KIAA1549L: variants seen among roughly 807,000 people sequenced by gnomAD.
KIAA1549L encodes UPF0606 protein KIAA1549L.
Under a neutral mutation model 160.7 loss-of-function variants are expected in KIAA1549L, and 88 were observed. The ratio of observed to expected loss-of-function variants is 0.55; its 90% confidence interval spans 0.46 to 0.65. The LOEUF (loss-of-function observed/expected upper bound fraction) is 0.65. Among genes scored for constraint, KIAA1549L ranks in the 30% least tolerant of loss-of-function variants. The probability of loss-of-function intolerance (pLI) is 0.00; values close to 1 mark genes in which losing one functional copy is unlikely to be tolerated. For synonymous variants in KIAA1549L, 950 were observed against 976.7 expected, an observed-to-expected ratio of 0.97 and a Z score of 0.51; for missense variants, 2,258 against 2,437.5, an observed-to-expected ratio of 0.93 and a Z score of 1.55.
intron 1 of KIAA1549L, among the ~76,000 whole-genome samples, chr11:33,486,205 C>T (rs1360247312): frequency 6.6e-6 from 1 of 151,854 alleles, no homozygotes; most frequent in Admixed American, 6.6e-5. Flanking sequence ...TAAATATTGG[C>T]GAGGCTGTGG....
intron 1 of KIAA1549L, among the ~76,000 whole-genome samples, chr11:33,383,751 G>A (rs999595817): frequency 6.6e-6 from 1 of 152,168 alleles, no homozygotes; most frequent in Non-Finnish European, 1.5e-5. Context: ...GACAGCAAGT[G>A]CCTGCGTTGC....
At chr11:33,443,961 C>G (rs1851559941) in intron 1 of KIAA1549L, among the ~76,000 whole-genome samples, 1 of 152,202 alleles carries the variant, frequency 6.6e-6, no homozygotes, top group African/African-American at 2.4e-5. Flanking sequence ...AAAAGTATCT[C>G]TGCCATGATA....
At chr11:33,380,851 C>T (rs968378639) in intron 1 of KIAA1549L, among the ~76,000 whole-genome samples, 7 of 151,998 alleles carry the variant, frequency 4.6e-5, no homozygotes, top group Non-Finnish European at 1.5e-5. Flanking sequence ...CTTGCCGCTC[C>T]CCAAACTCTT....
At chr11:33,627,917 G>A (rs1404274202) in intron 16 of KIAA1549L, among the ~76,000 whole-genome samples, 1 of 150,762 alleles carries the variant, frequency 6.6e-6, no homozygotes, top group Non-Finnish European at 1.5e-5. Flanking sequence ...TCTCTTGTGG[G>A]CATTTAGTGC....
chr11:33,395,598 C>T (rs542451170), intron 1 of KIAA1549L, among the ~76,000 whole-genome samples: 2 of 151,986 alleles, frequency 1.3e-5, no homozygotes, highest in African/African-American at 4.8e-5. Flanking sequence ...TTTTGGAGAA[C>T]AGGTGGTATT....
intron 1 of KIAA1549L, among the ~76,000 whole-genome samples, chr11:33,529,712 G>C (rs1853694759): frequency 6.6e-6 from 1 of 152,196 alleles, no homozygotes; most frequent in African/African-American, 2.4e-5. Flanking sequence ...AATCTTTTAT[G>C]ATGGGGTGAT....
At chr11:33,390,861 TG>T (rs1314165304) in intron 1 of KIAA1549L, among the ~76,000 whole-genome samples, 1 of 152,188 alleles carries the variant, frequency 6.6e-6, no homozygotes, top group Non-Finnish European at 1.5e-5. Flanking sequence ...AACATGATAA[TG>T]GAGTTGGGAA....
At chr11:33,589,354 G>A (rs1338993366) in intron 11 of KIAA1549L, among the ~76,000 whole-genome samples, 3 of 152,138 alleles carry the variant, frequency 2.0e-5, no homozygotes, top group Admixed American at 6.5e-5. Context: ...TCGGTGTGGC[G>A]ATTCCTCAGG....
At chr11:33,598,270 A>G (rs1850261006) in intron 12 of KIAA1549L, among the ~76,000 whole-genome samples, 1 of 151,524 alleles carries the variant, frequency 6.6e-6, no homozygotes, top group Admixed American at 6.6e-5. Context: ...TGCAAAGAAT[A>G]AGGCATAGTT....
At chr11:33,519,266 T>C (rs1242551963) in intron 1 of KIAA1549L, among the ~76,000 whole-genome samples, 1 of 152,182 alleles carries the variant, frequency 6.6e-6, no homozygotes, top group Non-Finnish European at 1.5e-5. Context: ...AATCCATTTT[T>C]TTTGAGAGAG....
At chr11:33,664,951 C>A (rs763113929) in intron 20 of KIAA1549L, among the ~76,000 whole-genome samples, 1 of 152,142 alleles carries the variant, frequency 6.6e-6, no homozygotes, top group Non-Finnish European at 1.5e-5. Flanking sequence ...GTAGATCAAA[C>A]GGGACATGCA....
rs879500574 is a variant in KIAA1549L, at chr11:33,614,531, G to GCTATATATATATATATAT, written c.5280-4002_5280-4001insCTATATATATATATATAT. On this transcript the variant is annotated intron_variant, in intron 15 of 20. Coordinates refer to ENST00000658780, the MANE Select transcript of KIAA1549L (RefSeq NM_012194.3). ...CTCTTGGGATCTGTGAGTGTAACAA[G>GCTATATATATATATATAT]ATATATATATATATATATATATATA... Among the ~76,000 whole-genome samples the GCTATATATATATATATAT allele has an allele frequency of 3.7e-4, 10 of 27,114 alleles. 2 individuals are homozygous for GCTATATATATATATATAT. The highest frequency in any genetic ancestry group is 3.9e-3 in the South Asian group (2 of 512). The allele number at this position is 27,114 out of a possible 152,430, so 17.8% of individuals were successfully genotyped here. A position where few individuals can be genotyped will look rare whatever the true frequency, so the allele number is the denominator to read the frequency against.
chr11:33,410,448 C>G (rs922174275), intron 1 of KIAA1549L, among the ~76,000 whole-genome samples: 1 of 152,224 alleles, frequency 6.6e-6, no homozygotes, highest in Non-Finnish European at 1.5e-5. Context: ...GCTGTTGCCA[C>G]AAGCTAGTTA....
intron 12 of KIAA1549L, among the ~76,000 whole-genome samples, chr11:33,598,229 T>TGTGTGTGTGTGTGTGTCTGA (rs138775051): frequency 7.6e-4 from 113 of 148,072 alleles, no homozygotes; most frequent in East Asian, 3.8e-3. Context: ...TGTGTGTGTG[T>TGTGTGTGTGTGTGTGTCTGA]CAGAGTGAAG....
At chr11:33,439,919 T>C (rs1447184733) in intron 1 of KIAA1549L, among the ~76,000 whole-genome samples, 2 of 152,100 alleles carry the variant, frequency 1.3e-5, no homozygotes, top group Admixed American at 6.5e-5. Context: ...AGCTAGCTTA[T>C]TTCTTTTAAA....
intron 11 of KIAA1549L, among the ~76,000 whole-genome samples, chr11:33,588,807 G>C (rs1257861209): frequency 6.6e-6 from 1 of 152,198 alleles, no homozygotes; most frequent in Non-Finnish European, 1.5e-5. Flanking sequence ...ACATAGGTCA[G>C]AGTGTATGTC....
chr11:33,533,262 C>G (rs753789063), intron 1 of KIAA1549L, among the ~76,000 whole-genome samples: 36 of 152,200 alleles, frequency 2.4e-4, no homozygotes, highest in Admixed American at 1.6e-3. Context: ...GAATGATAAA[C>G]TAGCAGCGCG....
At chr11:33,537,223 T>C (rs769799712) in intron 1 of KIAA1549L, among the ~76,000 whole-genome samples, 3 of 152,262 alleles carry the variant, frequency 2.0e-5, no homozygotes, top group Admixed American at 6.5e-5. Flanking sequence ...TGGATCTTGA[T>C]AGTCACTTCC....
Position 33,609,900 on chromosome 11 carries a change from A to T in KIAA1549L, c.5213A>T (p.Lys1738Met). 4 of 1,614,048 alleles carry T rather than the reference A, an allele frequency of 2.5e-6. No homozygotes were observed. Among genetic ancestry groups the T allele is most frequent in the Non-Finnish European group, 3.4e-6 (4 of 1,179,888 alleles). ...ERKKMYEKAPKEMEHVLDPDS... is the reference protein window; with the variant it reads ...ERKKMYEKAPMEMEHVLDPDS... ...AAGAAGATGTATGAAAAAGCCCCGA[A>T]GGAAATGGAGCATGTTTTGGATCCA... is the stretch of plus-strand genomic sequence containing the variant. Residue 1738 changes from lysine to methionine, a missense_variant, in exon 15 of 21, where the codon AAG (lysine) becomes ATG (methionine). Lys to Met is a moderately conservative substitution (Grantham distance 95). Transcript: ENST00000658780.
Sources: allele counts gnomAD v4.1 joint callset (sites outside exome capture counted in the v4.1 genomes callset), GRCh38; gene constraint gnomAD v4.1.1; transcripts MANE v1.5; gene names NCBI Gene and HGNC (gene_info 2026-07-23, HGNC 2026-07-21).